Variants in DCC observed in about 807,000 individuals in gnomAD.
The protein encoded by DCC is DCC netrin 1 receptor.
Under a neutral mutation model 172.5 loss-of-function variants are expected in DCC, and 58 were observed. The observed-to-expected ratio is 0.34, with a 90% CI of 0.27 to 0.42. The LOEUF is 0.42. DCC is among the 10% of genes least tolerant of loss of function. The pLI is 1.00. For missense variants in DCC, 1,740 were observed against 1,791.0 expected (o/e 0.97, Z 0.51); for synonymous variants, 709 against 644.5 (o/e 1.10, Z -1.52).
At chr18:52,871,868 A>G (rs1199332084) in intron 2 of DCC, among the ~76,000 whole-genome samples, 1 of 152,162 alleles carries the variant, frequency 6.6e-6, no homozygotes, top group Non-Finnish European at 1.5e-5. Context: ...TTCTCTCATT[A>G]ATCAAGATTT....
chr18:52,992,113 G>A (rs966303297), intron 5 of DCC, among the ~76,000 whole-genome samples: 1 of 152,136 alleles, frequency 6.6e-6, no homozygotes, highest in Non-Finnish European at 1.5e-5. Flanking sequence ...AGTGCTCCCC[G>A]CCTTGTCCGC....
At chr18:53,399,352 AAGG>A (rs1293821081) in intron 18 of DCC, among the ~76,000 whole-genome samples, 2 of 152,136 alleles carry the variant, frequency 1.3e-5, no homozygotes, top group African/African-American at 2.4e-5. Context: ...TCACACAGCT[AAGG>A]AGAAGATGGG....
chr18:52,476,379 G>A (rs1469310639), intron 1 of DCC, among the ~76,000 whole-genome samples: 1 of 152,128 alleles, frequency 6.6e-6, no homozygotes, highest in African/African-American at 2.4e-5. Context: ...GTGTGCATTC[G>A]TGTGAGCGTT....
At chr18:53,427,572 T>A (rs35529408) in intron 21 of DCC, among the ~76,000 whole-genome samples, 65,183 of 151,222 alleles carry the variant, frequency 0.43, 15,800 homozygotes, top group Non-Finnish European at 0.55. Context: ...AGGGAGATAG[T>A]CAAGTGTAGT....
chr18:52,771,871 G>GAAAA (rs55924643), intron 2 of DCC, among the ~76,000 whole-genome samples: 2 of 130,972 alleles, frequency 1.5e-5, no homozygotes, highest in East Asian at 2.1e-4. Context: ...AGAAACTTGT[G>GAAAA]AAAAAAAAAA....
intron 21 of DCC, among the ~76,000 whole-genome samples, chr18:53,423,361 A>G (rs984127844): frequency 1.3e-5 from 2 of 152,098 alleles, no homozygotes; most frequent in East Asian, 1.9e-4. Context: ...TCCAAAACAG[A>G]TGGGTCACTG....
At chr18:52,675,730 C>T (rs535652043) in intron 1 of DCC, among the ~76,000 whole-genome samples, 3 of 152,290 alleles carry the variant, frequency 2.0e-5, no homozygotes, top group Admixed American at 6.5e-5. Context: ...ATTATATACT[C>T]ACAACTTGCA....
intron 2 of DCC, among the ~76,000 whole-genome samples, chr18:52,782,492 T>G (rs1029981562): frequency 6.6e-6 from 1 of 152,058 alleles, no homozygotes; most frequent in Non-Finnish European, 1.5e-5. Flanking sequence ...TGCTTCTGAC[T>G]CTGCACACTC....
At chr18:52,590,571 CAG>C (rs1439853820) in intron 1 of DCC, among the ~76,000 whole-genome samples, 2 of 152,190 alleles carry the variant, frequency 1.3e-5, no homozygotes, top group African/African-American at 4.8e-5. Flanking sequence ...TCTCTGTACA[CAG>C]GGTGCAAGCG....
chr18:52,925,694 A>C (rs1352079978), intron 5 of DCC, among the ~76,000 whole-genome samples: 5 of 152,052 alleles, frequency 3.3e-5, no homozygotes, highest in Non-Finnish European at 1.5e-5. Flanking sequence ...AAATAAATGA[A>C]GGAAAATTGT....
chr18:52,721,082 T>C lies in DCC; in HGVS notation c.92-30972T>C, dbSNP rs550900306. ...CAGTGTATGATCCCTACAGATAATG[T>C]AGGAAAAATCTGGGTTTGAGAGGTG... is the stretch of plus-strand genomic sequence containing the variant. On this transcript the variant is annotated intron_variant, in intron 1 of 28. Transcript: ENST00000442544. Among the ~76,000 whole-genome samples, 31 of 152,258 alleles carry C rather than the reference T, an allele frequency of 2.0e-4. 1 individual carries two copies. In the South Asian group the frequency reaches 5.6e-3, roughly 28 times the overall value.
intron 1 of DCC, among the ~76,000 whole-genome samples, chr18:52,503,046 A>G (rs1047718508): frequency 2.9e-4 from 44 of 152,330 alleles, no homozygotes; most frequent in African/African-American, 9.9e-4. Context: ...ATTATATATC[A>G]GGAGTCTGAA....
intron 3 of DCC, 100 bp downstream of exon 3, chr18:52,906,428 T>G: frequency 8.1e-7 from 1 of 1,240,280 alleles, no homozygotes; most frequent in Non-Finnish European, 1.2e-6. Context: ...TTATAAGTTC[T>G]GTATTGTTCA....
intron 12 of DCC, among the ~76,000 whole-genome samples, chr18:53,276,423 C>G (rs879598434): frequency 6.6e-6 from 1 of 152,116 alleles, no homozygotes; most frequent in Non-Finnish European, 1.5e-5. Context: ...ATTGTTCTTG[C>G]TTTCTTTAGA....
intron 1 of DCC, among the ~76,000 whole-genome samples, chr18:52,566,937 A>G (rs936171299): frequency 6.6e-6 from 1 of 152,206 alleles, no homozygotes; most frequent in African/African-American, 2.4e-5. Flanking sequence ...TAAAACTTCT[A>G]GAATGCCTAA....
intron 27 of DCC, among the ~76,000 whole-genome samples, chr18:53,500,849 C>A (rs1439625271): frequency 6.6e-6 from 1 of 152,014 alleles, no homozygotes; most frequent in African/African-American, 2.4e-5. Flanking sequence ...CACATAGGGA[C>A]TTAAAAAGGT....
intron 5 of DCC, among the ~76,000 whole-genome samples, chr18:53,004,081 T>A (rs1315275844): frequency 6.6e-6 from 1 of 152,306 alleles, no homozygotes; most frequent in East Asian, 1.9e-4. Flanking sequence ...ATTTATTATG[T>A]TGTATAAAAG....
In DCC at chr18:53,066,353, G is replaced by GTGTA. The variant is rs1555704364; in HGVS notation, c.1261+188_1261+189insGTAT. ...TAGAAAATTGTGTGTGTACATGTGTGTATATATATATATATATATATATAT... is the reference window on the plus strand; with the variant it reads ...TAGAAAATTGTGTGTGTACATGTGTGTGTATATATATATATATATATATATATAT... On this transcript the variant is annotated intron_variant, in intron 7 of 28. Transcript: ENST00000442544. Among the ~76,000 whole-genome samples, 11 of 94,612 alleles carry GTGTA rather than the reference G, an allele frequency of 1.2e-4. No individual in the cohort carries two copies. In the East Asian group the frequency reaches 1.9e-3, roughly 17 times the overall value. The allele number at this position is 94,612 out of a possible 152,430, so 62.1% of individuals were successfully genotyped here.
At chr18:52,742,199 G>C (rs770295486) in intron 1 of DCC, among the ~76,000 whole-genome samples, 1 of 152,138 alleles carries the variant, frequency 6.6e-6, no homozygotes, top group Non-Finnish European at 1.5e-5. Context: ...CCCAATCTAT[G>C]GTATTTTGTT....
Sources: gnomAD v4.1 joint callset for allele counts (sites outside exome capture counted in the v4.1 genomes callset) on GRCh38, gnomAD v4.1.1 for gene constraint, MANE v1.5 for transcripts, NCBI Gene and HGNC (gene_info 2026-07-23, HGNC 2026-07-21) for gene names.